Variants in NAA11 observed in about 807,000 individuals in gnomAD.
The protein encoded by NAA11 is N-alpha-acetyltransferase 11.
Under a neutral mutation model 16.1 loss-of-function variants are expected in NAA11, and 15 were observed. The observed-to-expected ratio is 0.93, with a 90% CI of 0.62 to 1.44. The LOEUF (loss-of-function observed/expected upper bound fraction) is 1.44. NAA11 is among the 40% of genes most tolerant of loss of function. NAA11 has a pLI of 0.00. For synonymous variants in NAA11, 122 were observed against 112.4 expected (o/e 1.09, Z -0.54); for missense variants, 298 against 291.3 (o/e 1.02, Z -0.17).
intron 2 of NAA11, among the ~76,000 whole-genome samples, chr4:79,257,739 G>A (rs1578166176): frequency 6.6e-6 from 1 of 152,076 alleles, no homozygotes; most frequent in South Asian, 2.1e-4. Flanking sequence ...TTCATATATT[G>A]TATCATTTTA....
the NAA11 span, among the ~76,000 whole-genome samples, chr4:79,220,546 A>C: frequency 6.6e-6 from 1 of 152,058 alleles, no homozygotes; most frequent in Non-Finnish European, 1.5e-5. Context: ...TAAATAATAT[A>C]TGTGATTATA....
rs983771167 is a variant in NAA11 at position 79,326,020 on chromosome 4, G to C, written c.-143C>G. ...GAATCGTGTGGAGGGCGGATGGCGG[G>C]AAGGCGGAAGGAGCAGGAGATGGAA... On this transcript the variant is annotated 5_prime_UTR_variant, in exon 1 of 2. Transcript: ENST00000286794. The C allele has an allele frequency of 7.4e-6, 5 of 671,808 alleles. No individual in the cohort carries two copies. The Admixed American group carries it at 1.5e-4, about 20-fold the overall frequency. The allele number at this position is 671,808 out of a possible 1,614,324, so 41.6% of individuals were successfully genotyped here.
intron 2 of NAA11, chr4:79,293,948 C>T (rs893616585): frequency 2.6e-5 from 4 of 152,146 alleles, no homozygotes; most frequent in African/African-American, 7.2e-5. Flanking sequence ...GGAGTGGTGT[C>T]CTGATAAAAT....
downstream of NAA11, among the ~76,000 whole-genome samples, chr4:79,312,524 A>C (rs1335361618): frequency 6.6e-6 from 1 of 151,346 alleles, no homozygotes; most frequent in Non-Finnish European, 1.5e-5. Flanking sequence ...CGTGGCACAT[A>C]CCTGTAGTCT....
intron 2 of NAA11, among the ~76,000 whole-genome samples, chr4:79,241,736 G>A (rs1221448871): frequency 6.6e-6 from 1 of 152,194 alleles, no homozygotes; most frequent in Non-Finnish European, 1.5e-5. Flanking sequence ...TGGGGAAAGG[G>A]TAAGAACTGC....
the NAA11 span, among the ~76,000 whole-genome samples, chr4:79,201,263 G>A: frequency 6.6e-6 from 1 of 151,260 alleles, no homozygotes; most frequent in Non-Finnish European, 1.5e-5. Context: ...ATTCTCAGGA[G>A]TAGTATTACT....
At chr4:79,192,617 C>G in the NAA11 span, among the ~76,000 whole-genome samples, 16 of 152,166 alleles carry the variant, frequency 1.1e-4, no homozygotes, top group African/African-American at 3.4e-4. Context: ...TTTCTTAATT[C>G]AGTCTATCAT....
intron 1 of NAA11, among the ~76,000 whole-genome samples, chr4:79,323,886 C>T (rs1724177486): frequency 6.6e-6 from 1 of 151,698 alleles, no homozygotes; most frequent in South Asian, 2.1e-4. Context: ...GCCTGTAGTC[C>T]CAGTTACTTG....
intron 2 of NAA11, among the ~76,000 whole-genome samples, chr4:79,273,080 G>A (rs1283852162): frequency 6.6e-6 from 1 of 151,780 alleles, no homozygotes; most frequent in Non-Finnish European, 1.5e-5. Context: ...TAGGAATTAG[G>A]CCCAGAACTG....
At chr4:79,267,440 A>G (rs183764422) in intron 2 of NAA11, among the ~76,000 whole-genome samples, 17 of 152,314 alleles carry the variant, frequency 1.1e-4, no homozygotes, top group South Asian at 4.1e-4. Flanking sequence ...GAACATTTGG[A>G]CAGGTCATAG....
chr4:79,193,643 T>A, the NAA11 span, among the ~76,000 whole-genome samples: 1 of 152,306 alleles, frequency 6.6e-6, no homozygotes, highest in South Asian at 2.1e-4. Flanking sequence ...GTGGTATAGT[T>A]TGAAGTCAGG....
At chr4:79,223,753 A>T (rs1721246527), downstream of NAA11, among the ~76,000 whole-genome samples, 2 of 145,726 alleles carry the variant, frequency 1.4e-5, no homozygotes, top group African/African-American at 5.0e-5. Context: ...ACTTGAAATA[A>T]TTTTTTTTTT....
chr4:79,166,910 C>T, the NAA11 span, among the ~76,000 whole-genome samples: 1 of 146,266 alleles, frequency 6.8e-6, no homozygotes, highest in Non-Finnish European at 1.5e-5. Flanking sequence ...CATGCCTGGC[C>T]AGAAATCATC....
chr4:79,191,109 T>C, the NAA11 span, among the ~76,000 whole-genome samples: 1 of 152,212 alleles, frequency 6.6e-6, no homozygotes, highest in African/African-American at 2.4e-5. Context: ...TCTTTGCTAC[T>C]GTGAATAGTG....
intron 2 of NAA11, among the ~76,000 whole-genome samples, chr4:79,237,209 G>A (rs1247406529): frequency 6.6e-6 from 1 of 152,132 alleles, no homozygotes; most frequent in Non-Finnish European, 1.5e-5. Flanking sequence ...AGCTATAGAG[G>A]TTACCAACAT....
downstream of NAA11, among the ~76,000 whole-genome samples, chr4:79,314,437 G>C (rs963049968): frequency 2.6e-5 from 4 of 151,870 alleles, no homozygotes; most frequent in African/African-American, 9.7e-5. Context: ...TCACCTGGAG[G>C]GTTGTTAAAA....
the NAA11 span, among the ~76,000 whole-genome samples, chr4:79,175,323 T>A: frequency 4.6e-5 from 7 of 152,182 alleles, no homozygotes; most frequent in South Asian, 1.0e-3. Context: ...TCACAAAATA[T>A]TAAGAGAAAT....
chr4:79,178,420 A>G, the NAA11 span, among the ~76,000 whole-genome samples: 4 of 152,234 alleles, frequency 2.6e-5, no homozygotes, highest in Admixed American at 2.6e-4. Flanking sequence ...TAAATGTTCA[A>G]ATGCTAATTT....
the NAA11 span, among the ~76,000 whole-genome samples, chr4:79,197,125 C>G: frequency 6.6e-6 from 1 of 151,832 alleles, no homozygotes; most frequent in Non-Finnish European, 1.5e-5. Context: ...TTGTTTTAAG[C>G]TACTGAATTT....
Sources: gnomAD v4.1 joint callset for allele counts (sites outside exome capture counted in the v4.1 genomes callset) on GRCh38, gnomAD v4.1.1 for gene constraint, MANE v1.5 for transcripts, NCBI Gene and HGNC (gene_info 2026-07-23, HGNC 2026-07-21) for gene names.